GRM5: variants seen among roughly 807,000 people sequenced by gnomAD.
The protein encoded by GRM5 is metabotropic glutamate receptor 5.
Under a neutral mutation model 83.1 loss-of-function variants are expected in GRM5, and 19 were observed. That is an observed-to-expected ratio of 0.23 (90% CI 0.16 to 0.34). The LOEUF (loss-of-function observed/expected upper bound fraction) is 0.34. GRM5 is among the 10% of genes least tolerant of loss of function. The pLI, the probability that GRM5 is intolerant of heterozygous loss-of-function variation, is 1.00. For missense variants in GRM5, 1,160 were observed against 1,588.3 expected, an observed-to-expected ratio of 0.73 and a Z score of 4.58; for synonymous variants, 675 against 633.6, an observed-to-expected ratio of 1.07 and a Z score of -0.98.
chr11:88,972,666 T>C (rs1939203435), intron 2 of GRM5, among the ~76,000 whole-genome samples: 1 of 152,124 alleles, frequency 6.6e-6, no homozygotes. Flanking sequence ...AATTCATCAA[T>C]GAATGCCAAA....
At chr11:88,847,813 T>C (rs971590825) in intron 3 of GRM5, among the ~76,000 whole-genome samples, 1 of 152,206 alleles carries the variant, frequency 6.6e-6, no homozygotes, top group African/African-American at 2.4e-5. Context: ...ACTCTATGTT[T>C]ATCATATACA....
chr11:88,843,164 A>G (rs1387252139), intron 3 of GRM5, among the ~76,000 whole-genome samples: 3 of 152,156 alleles, frequency 2.0e-5, no homozygotes, highest in Non-Finnish European at 4.4e-5. Flanking sequence ...TATTTTTCCA[A>G]TGGCATGGTC....
intron 2 of GRM5, among the ~76,000 whole-genome samples, chr11:89,034,318 C>T (rs924935557): frequency 6.6e-6 from 1 of 151,874 alleles, no homozygotes; most frequent in Non-Finnish European, 1.5e-5. Flanking sequence ...TTACTTACTA[C>T]ACCATCTACG....
At chr11:88,976,719 G>C (rs1483134009) in intron 2 of GRM5, among the ~76,000 whole-genome samples, 1 of 152,110 alleles carries the variant, frequency 6.6e-6, no homozygotes, top group Admixed American at 6.6e-5. Context: ...TGAGCATCCA[G>C]AGTAAGTTTT....
intron 8 of GRM5, among the ~76,000 whole-genome samples, chr11:88,563,006 C>A (rs555624260): frequency 6.6e-6 from 1 of 152,132 alleles, no homozygotes. Flanking sequence ...TGAACCAACA[C>A]CCGAAGAAAT....
chr11:88,617,350 TGAATTGGG>T (rs1938511184), intron 4 of GRM5, among the ~76,000 whole-genome samples: 2 of 152,132 alleles, frequency 1.3e-5, no homozygotes. Flanking sequence ...TAGTAATAAG[TGAATTGGG>T]GAAAAATAAC....
intron 2 of GRM5, among the ~76,000 whole-genome samples, chr11:88,896,444 G>C (rs888826657): frequency 1.3e-5 from 2 of 151,914 alleles, no homozygotes; most frequent in African/African-American, 4.8e-5. Context: ...TGGGAAATGA[G>C]AGTATTTTAG....
At chr11:89,019,042 C>T (rs1940922050) in intron 2 of GRM5, among the ~76,000 whole-genome samples, 1 of 152,180 alleles carries the variant, frequency 6.6e-6, no homozygotes, top group Non-Finnish European at 1.5e-5. Flanking sequence ...CAGGTTACCA[C>T]ACTAGATTTA....
intron 3 of GRM5, among the ~76,000 whole-genome samples, chr11:88,732,941 G>A (rs1941836502): frequency 6.6e-6 from 1 of 151,942 alleles, no homozygotes; most frequent in Non-Finnish European, 1.5e-5. Context: ...GACTTTCAAA[G>A]CAATGATTTC....
At chr11:88,698,737 T>G (rs938758911) in intron 3 of GRM5, among the ~76,000 whole-genome samples, 2 of 152,190 alleles carry the variant, frequency 1.3e-5, no homozygotes, top group African/African-American at 4.8e-5. Flanking sequence ...GACTGCAGTC[T>G]CAGTGAAGGG....
In GRM5 at chr11:88,597,191, T is replaced by C; in HGVS notation, c.1556A>G (p.Gln519Arg). The part of the protein sequence containing the change: ...SVCSEPCEKG[Q>R]IKVIRKGEVS... ...ACATAGATTCCATTTTACCTTGATC[T>C]GGCCTTTCTCACATGGTTCACTGCA... The change falls in exon 6 of 10, where the codon CAG becomes CGG. Residue 519 changes from glutamine (Q) to arginine (R), a missense_variant. Physicochemically the swap from Gln to Arg is conservative, Grantham distance 43. This residue lies in a region of GRM5 where 132 missense variants were observed against 245.5 expected (regional missense o/e 0.54). Transcript: ENST00000305447. 6.4e-7 allele frequency: 1 copy of C among 1,562,650 alleles called. No homozygotes were observed. The highest frequency in any genetic ancestry group is 8.7e-7 in the Non-Finnish European group (1 of 1,155,592).
chr11:88,651,107 A>G (rs997942887), intron 4 of GRM5, among the ~76,000 whole-genome samples: 4 of 152,024 alleles, frequency 2.6e-5, no homozygotes, highest in African/African-American at 9.7e-5. Context: ...TGAGAGATAG[A>G]GAGCTACAGC....
chr11:88,776,515 T>C (rs1215511963), intron 3 of GRM5, among the ~76,000 whole-genome samples: 2 of 152,224 alleles, frequency 1.3e-5, no homozygotes, highest in Non-Finnish European at 1.5e-5. Context: ...CATTAATTGA[T>C]GCAGTTTCTT....
intron 2 of GRM5, among the ~76,000 whole-genome samples, chr11:88,932,498 T>C (rs916034075): frequency 2.0e-5 from 3 of 151,948 alleles, no homozygotes; most frequent in East Asian, 1.9e-4. Flanking sequence ...TCCTCATATA[T>C]AGTGAGCACT....
At chr11:88,706,460 A>T (rs1335362373) in intron 3 of GRM5, among the ~76,000 whole-genome samples, 1 of 152,094 alleles carries the variant, frequency 6.6e-6, no homozygotes, top group Admixed American at 6.6e-5. Flanking sequence ...TATATCTTTT[A>T]TCTCTGTATT....
At chr11:88,940,682 G>T (rs1032426958) in intron 2 of GRM5, among the ~76,000 whole-genome samples, 9 of 151,654 alleles carry the variant, frequency 5.9e-5, no homozygotes, top group African/African-American at 1.9e-4. Flanking sequence ...CCTATGGAAA[G>T]TATAGCATAA....
At chr11:89,007,890 C>A (rs1467429456) in intron 2 of GRM5, among the ~76,000 whole-genome samples, 1 of 152,196 alleles carries the variant, frequency 6.6e-6, no homozygotes, top group Non-Finnish European at 1.5e-5. Context: ...AATAATTTCA[C>A]ATGATTGGTG....
At chr11:88,966,878 C>G (rs1443929889) in intron 2 of GRM5, among the ~76,000 whole-genome samples, 2 of 152,096 alleles carry the variant, frequency 1.3e-5, no homozygotes, top group African/African-American at 4.8e-5. Context: ...GTTTTCTCCT[C>G]TCATGGAATA....
rs546344985 is a variant in GRM5 at position 88,961,443 on chromosome 11, A to G, written c.661+85769T>C. ...GCCAAGAATTGAGGCTGCCATTTGC[A>G]ACTGTGCCAGGGTCAAAGTCACTGT... is the stretch of plus-strand genomic sequence containing the variant. On this transcript the variant is annotated intron_variant, in intron 2 of 9. Transcript: ENST00000305447. Among the ~76,000 whole-genome samples the G allele has an allele frequency of 1.1e-4, 17 of 152,062 alleles. No individual in the cohort carries two copies. The East Asian group carries it at 3.1e-3, about 28-fold the overall frequency.
Sources: allele counts gnomAD v4.1 joint callset (sites outside exome capture counted in the v4.1 genomes callset), GRCh38; gene constraint gnomAD v4.1.1; regional missense constraint gnomAD v4.1.1; transcripts MANE v1.5; gene names NCBI Gene and HGNC (gene_info 2026-07-23, HGNC 2026-07-21).